The following PCDH15 variants were observed in gnomAD, a reference collection of about 807,000 sequenced individuals.
PCDH15 encodes protocadherin related 15, also known as protocadherin-15.
In PCDH15, 129 loss-of-function variants were observed where a neutral mutation model predicts 178.5. The ratio of observed to expected loss-of-function variants is 0.72; its 90% confidence interval spans 0.63 to 0.84. PCDH15 has a LOEUF of 0.84. Among genes scored for constraint, PCDH15 ranks in the 40% least tolerant of loss-of-function variants. The pLI, the probability that PCDH15 is intolerant of heterozygous loss-of-function variation, is 0.00. For synonymous variants in PCDH15, 800 were observed against 732.0 expected (o/e 1.09, Z -1.50); for missense variants, 2,230 against 2,099.9 (o/e 1.06, Z -1.21).
At chr10:55,539,768 G>A (rs2132074923) in intron 2 of PCDH15, among the ~76,000 whole-genome samples, 1 of 152,110 alleles carries the variant, frequency 6.6e-6, no homozygotes, top group East Asian at 1.9e-4. Flanking sequence ...TTTTAATACA[G>A]TTAATTTTTC....
At chr10:55,459,586 A>C (rs1839628980) in intron 2 of PCDH15, among the ~76,000 whole-genome samples, 1 of 152,122 alleles carries the variant, frequency 6.6e-6, no homozygotes, top group African/African-American at 2.4e-5. Context: ...ATTGGAACAC[A>C]ATATTAGAAA....
At chr10:54,055,662 T>C (rs1325528978) in intron 18 of PCDH15, among the ~76,000 whole-genome samples, 2 of 152,076 alleles carry the variant, frequency 1.3e-5, no homozygotes, top group African/African-American at 4.8e-5. Context: ...CTACCTCCAC[T>C]TCCCTCCCCC....
intron 1 of PCDH15, among the ~76,000 whole-genome samples, chr10:55,271,967 T>G (rs1842456452): frequency 6.6e-6 from 1 of 152,122 alleles, no homozygotes; most frequent in Non-Finnish European, 1.5e-5. Context: ...CATATGGTAT[T>G]TATCTAGAAT....
At chr10:54,869,888 C>T (rs924715700) in intron 3 of PCDH15, among the ~76,000 whole-genome samples, 1 of 152,192 alleles carries the variant, frequency 6.6e-6, no homozygotes, top group African/African-American at 2.4e-5. Flanking sequence ...GTCAAGCCAA[C>T]AGCCAGCAAT....
chr10:54,557,026 C>A (rs1053297831), intron 2 of PCDH15, among the ~76,000 whole-genome samples: 1 of 152,064 alleles, frequency 6.6e-6, no homozygotes, highest in African/African-American at 2.4e-5. Flanking sequence ...TTATCAGAAT[C>A]TTTAAAGACT....
At chr10:55,006,818 C>T (rs989884948) in intron 2 of PCDH15, among the ~76,000 whole-genome samples, 2 of 152,140 alleles carry the variant, frequency 1.3e-5, no homozygotes, top group African/African-American at 4.8e-5. Context: ...TTCCGTAAGG[C>T]CTGTAGCCTC....
intron 3 of PCDH15, among the ~76,000 whole-genome samples, chr10:54,468,190 C>T (rs2077657090): frequency 1.3e-5 from 2 of 151,202 alleles, no homozygotes; most frequent in African/African-American, 4.9e-5. Context: ...TATTTCTTTC[C>T]TTTTGCTAAT....
At chr10:54,505,594 A>G (rs893387650) in intron 3 of PCDH15, among the ~76,000 whole-genome samples, 10 of 152,122 alleles carry the variant, frequency 6.6e-5, no homozygotes, top group Non-Finnish European at 1.3e-4. Context: ...GGAGTTGAAC[A>G]ATGAGAACAC....
At chr10:53,898,030 G>A (rs1186520912) in intron 26 of PCDH15, among the ~76,000 whole-genome samples, 2 of 133,716 alleles carry the variant, frequency 1.5e-5, no homozygotes, top group African/African-American at 5.7e-5. Flanking sequence ...GCAGTGGCGT[G>A]ATTTCGGCTC....
intron 26 of PCDH15, among the ~76,000 whole-genome samples, chr10:53,888,297 T>TATATAC (rs2081252654): frequency 1.4e-5 from 1 of 73,616 alleles, no homozygotes; most frequent in African/African-American, 5.4e-5. Context: ...TATACATATA[T>TATATAC]ATATATATAT....
chr10:53,931,131 A>C (rs947423478), intron 25 of PCDH15, among the ~76,000 whole-genome samples: 1 of 152,128 alleles, frequency 6.6e-6, no homozygotes, highest in Non-Finnish European at 1.5e-5. Flanking sequence ...GAGAGAGAAA[A>C]CTCCAAAGCT....
intron 1 of PCDH15, among the ~76,000 whole-genome samples, chr10:54,748,035 G>T (rs1945701423): frequency 6.6e-6 from 1 of 151,944 alleles, no homozygotes; most frequent in Non-Finnish European, 1.5e-5. Flanking sequence ...TCGATCTCCT[G>T]ACCTCGTGAT....
intron 2 of PCDH15, among the ~76,000 whole-genome samples, chr10:55,120,565 A>C (rs1301754094): frequency 1.3e-5 from 2 of 152,226 alleles, no homozygotes; most frequent in African/African-American, 4.8e-5. Context: ...GAAAGAGTGA[A>C]CATTGACATA....
chr10:54,028,103 C>G (rs1017226605), intron 18 of PCDH15, among the ~76,000 whole-genome samples: 2 of 150,732 alleles, frequency 1.3e-5, no homozygotes, highest in Non-Finnish European at 3.0e-5. Flanking sequence ...AAAAAACAAA[C>G]AACCCCATCA....
At chr10:54,329,809 T>G in intron 6 of PCDH15, 103 bp from the exon 7 acceptor site, 2 of 789,134 alleles carry the variant, frequency 2.5e-6, no homozygotes, top group Middle Eastern at 3.3e-4. Context: ...ATGACATGCT[T>G]ATCATCTGAA....
chr10:55,120,155 G>A (rs1236665116), intron 2 of PCDH15, among the ~76,000 whole-genome samples: 1 of 152,022 alleles, frequency 6.6e-6, no homozygotes. Context: ...TCCAGTTGTG[G>A]AGGTGAATTA....
intron 18 of PCDH15, among the ~76,000 whole-genome samples, chr10:54,040,502 C>T (rs563249862): frequency 6.6e-6 from 1 of 152,076 alleles, no homozygotes; most frequent in African/African-American, 2.4e-5. Flanking sequence ...ATAAATTACC[C>T]TGTCTCAGGT....
chr10:54,157,154 A>G (rs1339168990), intron 13 of PCDH15, among the ~76,000 whole-genome samples: 1 of 152,174 alleles, frequency 6.6e-6, no homozygotes, highest in East Asian at 1.9e-4. Context: ...CTCTTCTCAC[A>G]GCTCCACTGG....
chr10:54,177,586 C>G (rs373141257), intron 13 of PCDH15, among the ~76,000 whole-genome samples: 1 of 151,328 alleles, frequency 6.6e-6, no homozygotes, highest in Admixed American at 6.6e-5. Flanking sequence ...TAAAACTGCT[C>G]AAAAAAAATC....
Sources: allele counts gnomAD v4.1 joint callset (sites outside exome capture counted in the v4.1 genomes callset), GRCh38; gene constraint gnomAD v4.1.1; transcripts MANE v1.5; gene names NCBI Gene and HGNC (gene_info 2026-07-23, HGNC 2026-07-21).